Variants in TMCO4 observed in about 807,000 individuals in gnomAD.
The protein encoded by TMCO4 is transmembrane and coiled-coil domains 4.
A neutral mutation model predicts 64.7 loss-of-function variants in TMCO4; 58 were observed. The ratio of observed to expected loss-of-function variants is 0.90; its 90% CI spans 0.73 to 1.12. The LOEUF (loss-of-function observed/expected upper bound fraction) is 1.12. Ranked by LOEUF, TMCO4 falls within the 50% of genes most tolerant of loss-of-function variation. The pLI is 0.00. For missense variants in TMCO4, 780 were observed against 825.9 expected, an observed-to-expected ratio of 0.94 and a Z score of 0.68; for synonymous variants, 325 against 346.1, an observed-to-expected ratio of 0.94 and a Z score of 0.68.
At chr1:19,720,459 T>C (rs1413832630) in intron 13 of TMCO4, among the ~76,000 whole-genome samples, 2 of 152,126 alleles carry the variant, frequency 1.3e-5, no homozygotes, top group Non-Finnish European at 2.9e-5. Flanking sequence ...TGCAGGTGCC[T>C]TCTGCTCCAG....
intron 2 of TMCO4, among the ~76,000 whole-genome samples, chr1:19,789,536 C>G (rs2043921197): frequency 6.6e-6 from 1 of 152,136 alleles, no homozygotes; most frequent in Non-Finnish European, 1.5e-5. Flanking sequence ...TGATTGGTTT[C>G]TGTTCTTTCT....
intron 6 of TMCO4, among the ~76,000 whole-genome samples, chr1:19,763,452 G>A (rs56354835): frequency 0.12 from 17,834 of 152,154 alleles, 1,144 homozygotes; most frequent in Non-Finnish European, 0.13. Flanking sequence ...CTGGCACCTG[G>A]GACACAGTAA....
At chr1:19,758,621 C>T (rs1033905560) in intron 6 of TMCO4, among the ~76,000 whole-genome samples, 4 of 152,046 alleles carry the variant, frequency 2.6e-5, no homozygotes, top group Non-Finnish European at 4.4e-5. Context: ...GGTCTTGGAG[C>T]CAGGGTTCGT....
At chr1:19,790,798 T>G (rs1309069040) in intron 2 of TMCO4, among the ~76,000 whole-genome samples, 3 of 152,134 alleles carry the variant, frequency 2.0e-5, no homozygotes, top group African/African-American at 4.8e-5. Context: ...CCCAGCAATC[T>G]CACTACTGGG....
chr1:19,729,477 T>TA (rs1386873177), intron 13 of TMCO4, among the ~76,000 whole-genome samples: 2 of 148,684 alleles, frequency 1.3e-5, no homozygotes, highest in Non-Finnish European at 3.0e-5. Flanking sequence ...TAGAAATAAC[T>TA]AAAAAAGCCC....
intron 13 of TMCO4, among the ~76,000 whole-genome samples, chr1:19,735,065 C>T (rs538480575): frequency 6.3e-4 from 96 of 152,238 alleles, no homozygotes; most frequent in African/African-American, 1.3e-3. Flanking sequence ...ACTAGGGGGG[C>T]GGCAGGGCTC....
At chr1:19,698,938 T>C (rs2095253840) in intron 14 of TMCO4, among the ~76,000 whole-genome samples, 1 of 152,270 alleles carries the variant, frequency 6.6e-6, no homozygotes, top group Non-Finnish European at 1.5e-5. Flanking sequence ...GGCTCACGCC[T>C]GTAATCCCAG....
At chr1:19,783,111 A>C (rs1368509769) in intron 3 of TMCO4, among the ~76,000 whole-genome samples, 13 of 152,242 alleles carry the variant, frequency 8.5e-5, no homozygotes, top group Non-Finnish European at 7.3e-5. Flanking sequence ...CACATAGCAA[A>C]GGTTTAATAA....
chr1:19,767,330 G>A (rs758452571), intron 6 of TMCO4, among the ~76,000 whole-genome samples: 4 of 152,196 alleles, frequency 2.6e-5, no homozygotes, highest in African/African-American at 4.8e-5. Context: ...CATTTAACGA[G>A]TGCTGAATAA....
rs531431284 is a variant in TMCO4, at chr1:19,683,758, C to CTTTT, written c.1501-318_1501-315dup. On this transcript the variant is annotated intron_variant, in intron 15 of 15. Coordinates refer to ENST00000294543, the MANE Select transcript of TMCO4 (RefSeq NM_181719.7). ...AGAAGCTCTCGTTCTTTGTCTGAAG[C>CTTTT]TTTTTTTTTTTTTTTTTTTTTTTTT... Among the ~76,000 whole-genome samples the CTTTT allele has an allele frequency of 7.4e-3, 586 of 79,040 alleles. 112 individuals are homozygous for CTTTT. The highest frequency in any genetic ancestry group is 0.026 in the African/African-American group (510 of 19,530). The allele number at this position is 79,040 out of a possible 152,430, so 51.9% of individuals were successfully genotyped here. A position where few individuals can be genotyped will look rare whatever the true frequency, so the allele number is the denominator to read the frequency against.
At chr1:19,792,927 T>G (rs966016225) in intron 2 of TMCO4, among the ~76,000 whole-genome samples, 1 of 152,052 alleles carries the variant, frequency 6.6e-6, no homozygotes, top group Non-Finnish European at 1.5e-5. Context: ...CACACCATGA[T>G]GCCTGGCCAA....
chr1:19,789,388 G>A (rs952833341), intron 2 of TMCO4, among the ~76,000 whole-genome samples: 8 of 151,864 alleles, frequency 5.3e-5, no homozygotes, highest in African/African-American at 1.5e-4. Flanking sequence ...CAGCCTGGGC[G>A]ACACAGTGAG....
chr1:19,729,625 G>T (rs1197605549), intron 13 of TMCO4, among the ~76,000 whole-genome samples: 1 of 151,962 alleles, frequency 6.6e-6, no homozygotes, highest in Non-Finnish European at 1.5e-5. Flanking sequence ...AATTAGCTGG[G>T]TGTGGTGGTG....
rs1007203806 is a variant in TMCO4 at position 19,732,319 on chromosome 1, G to A, written c.1264+5053C>T. 1.3e-5 allele frequency among the ~76,000 whole-genome samples: 2 copies of A among 152,086 alleles called. No individual in the cohort carries two copies. Among genetic ancestry groups the A allele is most frequent in the African/African-American group, 2.4e-5 (1 of 41,428 alleles). ...CCCAAGTAGCTGGGGCTACATGCAC[G>A]TGCCACCATGCCTGGCTAATTTTAA... is the stretch of plus-strand genomic sequence containing the variant. On this transcript the variant is annotated intron_variant, in intron 13 of 15. Transcript: ENST00000294543. The surrounding 1 kb of genome is among the most constrained non-coding windows in gnomAD (Gnocchi z 4.8).
chr1:19,792,750 T>C (rs1193154087), intron 2 of TMCO4, among the ~76,000 whole-genome samples: 2 of 144,602 alleles, frequency 1.4e-5, no homozygotes, highest in Non-Finnish European at 3.0e-5. Flanking sequence ...GAGCAGTCAG[T>C]GAAGGTCAAG....
At chr1:19,796,211 G>A (rs2044298530) in intron 2 of TMCO4, among the ~76,000 whole-genome samples, 2 of 152,168 alleles carry the variant, frequency 1.3e-5, no homozygotes, top group Admixed American at 1.3e-4. Flanking sequence ...AGAAGCGGAG[G>A]TCACACAGCT....
At chr1:19,716,340 C>A (rs1260679019) in intron 13 of TMCO4, among the ~76,000 whole-genome samples, 2 of 149,478 alleles carry the variant, frequency 1.3e-5, no homozygotes, top group Non-Finnish European at 3.0e-5. Flanking sequence ...ATTACAGGTG[C>A]CTGCCACTAC....
intron 15 of TMCO4, among the ~76,000 whole-genome samples, chr1:19,691,984 C>G (rs1037969785): frequency 6.6e-6 from 1 of 152,176 alleles, no homozygotes; most frequent in Non-Finnish European, 1.5e-5. Flanking sequence ...TGCCTTTCAC[C>G]TTCCGCCATG....
At chr1:19,794,308 C>T (rs1571075880) in intron 2 of TMCO4, among the ~76,000 whole-genome samples, 1 of 152,244 alleles carries the variant, frequency 6.6e-6, no homozygotes, top group Admixed American at 6.5e-5. Context: ...CCACAGCACA[C>T]AAACACCAGC....
Sources: gnomAD v4.1 joint callset for allele counts (sites outside exome capture counted in the v4.1 genomes callset) on GRCh38, gnomAD v4.1.1 for gene constraint, Gnocchi (gnomAD v3.1) non-coding constraint, MANE v1.5 for transcripts, NCBI Gene and HGNC (gene_info 2026-07-23, HGNC 2026-07-21) for gene names.